The following ADHFE1 variants were observed in gnomAD, a reference collection of about 807,000 sequenced individuals.
The protein encoded by ADHFE1 is alcohol dehydrogenase iron containing 1, also known as hydroxyacid-oxoacid transhydrogenase, mitochondrial.
In ADHFE1, 37 loss-of-function variants were observed where a neutral mutation model predicts 54.8. The ratio of observed to expected loss-of-function variants is 0.68; its 90% CI spans 0.52 to 0.89. The LOEUF is 0.89. ADHFE1 is among the 40% of genes least tolerant of loss of function. ADHFE1 has a pLI of 0.00. For missense variants in ADHFE1, 601 were observed against 591.2 expected (o/e 1.02, Z -0.17); for synonymous variants, 203 against 229.3 (o/e 0.89, Z 1.04).
intron 13 of ADHFE1, among the ~76,000 whole-genome samples, chr8:66,466,409 C>T (rs28581490): frequency 0.024 from 3,660 of 152,186 alleles, 67 homozygotes; most frequent in Non-Finnish European, 0.04. Flanking sequence ...GAAATCATTG[C>T]CAAAGCCAAT....
At chr8:66,463,234 T>C (rs1251604188) in intron 13 of ADHFE1, among the ~76,000 whole-genome samples, 2 of 152,222 alleles carry the variant, frequency 1.3e-5, no homozygotes, top group Non-Finnish European at 2.9e-5. Context: ...TAGGTATCAT[T>C]CTGAATGCCT....
intron 2 of ADHFE1, among the ~76,000 whole-genome samples, chr8:66,442,076 AT>A: frequency 6.6e-6 from 1 of 152,268 alleles, no homozygotes; most frequent in East Asian, 1.9e-4. Flanking sequence ...ATCCCTATGA[AT>A]TAAAAAAAAC....
chr8:66,463,325 G>A (rs1398047530), intron 13 of ADHFE1, among the ~76,000 whole-genome samples: 1 of 152,132 alleles, frequency 6.6e-6, no homozygotes, highest in Non-Finnish European at 1.5e-5. Flanking sequence ...TACAAAAATG[G>A]GAGGTAAATG....
intron 13 of ADHFE1, among the ~76,000 whole-genome samples, chr8:66,461,809 C>A (rs1013132735): frequency 2.8e-4 from 43 of 152,228 alleles, no homozygotes; most frequent in African/African-American, 9.9e-4. Flanking sequence ...GTCCGTGAAC[C>A]ACCAGTTTCC....
chr8:66,453,949 C>A, intron 9 of ADHFE1, 110 bp from the exon 10 acceptor site: 1 of 1,533,184 alleles, frequency 6.5e-7, no homozygotes, highest in Non-Finnish European at 8.8e-7. Flanking sequence ...TTTCTTCCTA[C>A]CGAGTAGCAT....
At chr8:66,459,291 T>C (rs1483816896) in intron 12 of ADHFE1, among the ~76,000 whole-genome samples, 3 of 152,038 alleles carry the variant, frequency 2.0e-5, no homozygotes, top group African/African-American at 7.2e-5. Context: ...CTAAGGGTTG[T>C]GAAATCAGTT....
intron 2 of ADHFE1, among the ~76,000 whole-genome samples, chr8:66,441,908 G>T (rs1805765527): frequency 6.6e-6 from 1 of 151,160 alleles, no homozygotes; most frequent in Admixed American, 6.6e-5. Context: ...GGAGGCGGAG[G>T]TTGCAGTGAG....
chr8:66,462,540 C>G (rs556887469), intron 13 of ADHFE1, among the ~76,000 whole-genome samples: 1 of 152,336 alleles, frequency 6.6e-6, no homozygotes, highest in South Asian at 2.1e-4. Flanking sequence ...ATATGAGCCA[C>G]AGTGCCTGGC....
chr8:66,456,327 G>A (rs961368015), intron 10 of ADHFE1, among the ~76,000 whole-genome samples: 1 of 152,148 alleles, frequency 6.6e-6, no homozygotes, highest in African/African-American at 2.4e-5. Flanking sequence ...AACATTTGAA[G>A]GGATCTGTCA....
rs1180161482 is a variant in ADHFE1, at chr8:66,468,357, C to G, written c.*5C>G. On this transcript the variant is annotated 3_prime_UTR_variant, in exon 14 of 14. Coordinates refer to ENST00000396623, the MANE Select transcript of ADHFE1 (RefSeq NM_144650.3). ...GCTTCAATGAAACTGTATTAATTGT[C>G]ATTTTAACTGAAAGAATTACCGCTG... is the stretch of plus-strand genomic sequence containing the variant. 6.2e-7 allele frequency: 1 copy of G among 1,609,020 alleles called. No homozygotes were observed. Among genetic ancestry groups the G allele is most frequent in the African/African-American group, 1.3e-5 (1 of 74,684 alleles).
chr8:66,446,592 A>G (rs1166684525), intron 6 of ADHFE1, among the ~76,000 whole-genome samples: 1 of 152,240 alleles, frequency 6.6e-6, no homozygotes, highest in African/African-American at 2.4e-5. Context: ...CAGAGATCAC[A>G]TGCACATTAA....
Position 66,460,658 on chromosome 8 carries a change from A to G in ADHFE1, c.1320+193A>G, listed in dbSNP as rs188542751. ...CAGGCCCTCGCCTTTCTGTTCATCC[A>G]TACAGCTGTAGCTGAGGTGAGGCTT... is the stretch of plus-strand genomic sequence containing the variant. On this transcript the variant is annotated intron_variant, in intron 13 of 13. Transcript: ENST00000396623. Among the ~76,000 whole-genome samples the G allele has an allele frequency of 3.9e-3, 599 of 152,340 alleles. 3 individuals are homozygous for G. The highest frequency in any genetic ancestry group is 0.013 in the African/African-American group (559 of 41,578).
chr8:66,443,190 T>C (rs2465984), intron 3 of ADHFE1, among the ~76,000 whole-genome samples: 103,223 of 151,334 alleles, frequency 0.68, 37,233 homozygotes, highest in African/African-American at 0.92. Flanking sequence ...AATTCTGGTG[T>C]ATTTTTATCA....
intron 9 of ADHFE1, among the ~76,000 whole-genome samples, chr8:66,452,917 G>A (rs920814997): frequency 1.3e-5 from 2 of 152,206 alleles, no homozygotes; most frequent in African/African-American, 4.8e-5. Flanking sequence ...TGGACAGAAC[G>A]GCCACAGGTA....
At position 66,439,400 on chromosome 8, in the gene ADHFE1, T is replaced by C. The variant is rs1466878548; in HGVS notation, c.60-762T>C. Reference sequence around the variant, plus strand: ...GAGAAGCCAGAGGAGAGACTGGGACTGTCCAGGAAATAGGAGACGACCAGG... The same window carrying C: ...GAGAAGCCAGAGGAGAGACTGGGACCGTCCAGGAAATAGGAGACGACCAGG... On this transcript the variant is annotated intron_variant, in intron 1 of 13. Transcript: ENST00000396623. The surrounding 1 kb of genome is among the most constrained non-coding windows in gnomAD (Gnocchi z 4.4). 3 of 985,664 alleles carry C rather than the reference T, an allele frequency of 3.0e-6. No homozygotes were observed. The African/African-American group carries it at 5.2e-5, about 17-fold the overall frequency. The allele number at this position is 985,664 out of a possible 1,614,324, so 61.1% of individuals were successfully genotyped here.
In ADHFE1 at chr8:66,439,105, C is replaced by T; in HGVS notation, c.60-1057C>T. 2.3e-6 allele frequency: 2 copies of T among 852,900 alleles called. No individual in the cohort carries two copies. Among genetic ancestry groups the T allele is most frequent in the Non-Finnish European group, 2.8e-6 (2 of 709,088 alleles). The allele number at this position is 852,900 out of a possible 1,614,324, so 52.8% of individuals were successfully genotyped here. A position where few individuals can be genotyped will look rare whatever the true frequency, so the allele number is the denominator to read the frequency against. On this transcript the variant is annotated intron_variant, in intron 1 of 13. Coordinates refer to ENST00000396623, the MANE Select transcript of ADHFE1 (RefSeq NM_144650.3). This position sits in a 1 kb window ranked among gnomAD's most constrained non-coding sequence, Gnocchi z 4.4. ...GGGAACCACTAGATGGCAGCCGCGACTCGCGCCAGCTCTCACTCGCCCCCG... is the reference window on the plus strand; with the variant it reads ...GGGAACCACTAGATGGCAGCCGCGATTCGCGCCAGCTCTCACTCGCCCCCG...
In ADHFE1 at chr8:66,432,573, A is replaced by AGCGTGAGTGCGGGGCC; in HGVS notation, c.59_59+15dup. The AGCGTGAGTGCGGGGCC allele has an allele frequency of 7.5e-7, 1 of 1,337,708 alleles. No homozygotes were observed. Among genetic ancestry groups the AGCGTGAGTGCGGGGCC allele is most frequent in the Middle Eastern group, 2.1e-4 (1 of 4,706 alleles). 82.9% of individuals were successfully genotyped at this position (1,337,708 alleles called of 1,614,324 possible). Reference sequence around the variant, plus strand: ...ACTTGCTGAGGCAACTGCAACGCGCAGCGTGAGTGCGGGGCCGGCGGGCGG... The same window carrying AGCGTGAGTGCGGGGCC: ...ACTTGCTGAGGCAACTGCAACGCGCAGCGTGAGTGCGGGGCCGCGTGAGTGCGGGGCCGGCGGGCGG... On this transcript the variant is annotated stop_gained and frameshift_variant and splice_region_variant, in exon 1 of 14. Transcript: ENST00000396623. LOFTEE classifies it high-confidence loss of function.
intron 13 of ADHFE1, among the ~76,000 whole-genome samples, chr8:66,465,791 G>T (rs1031643732): frequency 3.3e-5 from 5 of 151,706 alleles, no homozygotes; most frequent in African/African-American, 1.2e-4. Flanking sequence ...GTAGAGATGG[G>T]GTTTCACTGT....
chr8:66,432,529 G>T lies in ADHFE1; in HGVS notation c.13G>T (p.Ala5Ser). 2 of 1,360,732 alleles carry T rather than the reference G, an allele frequency of 1.5e-6. No individual in the cohort carries two copies. The highest frequency in any genetic ancestry group is 1.9e-6 in the Non-Finnish European group (2 of 1,046,244). 84.3% of individuals were successfully genotyped at this position (1,360,732 alleles called of 1,614,324 possible). Residue 5 changes from alanine to serine, a missense_variant, in exon 1 of 14, where the codon GCC becomes TCC. Physicochemically the swap from Ala to Ser is moderately conservative, Grantham distance 99. Transcript: ENST00000396623. The stretch of plus-strand genomic sequence containing the variant: ...GACTCCAAGCGCCATGGCCGCTGCC[G>T]CCCGAGCCCGGGTCGCGTACTTGCT... MAAAARARVAYLLRQ... is the reference protein window; with the variant it reads MAAASRARVAYLLRQ...
Sources: allele counts gnomAD v4.1 joint callset (sites outside exome capture counted in the v4.1 genomes callset), GRCh38; gene constraint gnomAD v4.1.1; non-coding constraint Gnocchi (gnomAD v3.1); transcripts MANE v1.5; gene names NCBI Gene and HGNC (gene_info 2026-07-23, HGNC 2026-07-21).